Variants in ADAMTS1 observed in about 807,000 individuals in gnomAD.
ADAMTS1 encodes the protein ADAM metallopeptidase with thrombospondin type 1 motif 1.
In ADAMTS1, 19 loss-of-function variants were observed where a neutral mutation model predicts 87.9. The ratio of observed to expected loss-of-function variants is 0.22; its 90% CI spans 0.15 to 0.32. The LOEUF is 0.32. Among genes scored for constraint, ADAMTS1 ranks in the 10% least tolerant of loss-of-function variants. ADAMTS1 has a pLI of 1.00. For missense variants in ADAMTS1, 1,240 were observed against 1,259.1 expected, an observed-to-expected ratio of 0.98 and a Z score of 0.23; for synonymous variants, 542 against 501.8, an observed-to-expected ratio of 1.08 and a Z score of -1.07.
In ADAMTS1 at chr21:26,844,579, A is replaced by T; in HGVS notation, c.376T>A (p.Ser126Thr). 6.2e-7 allele frequency: 1 copy of T among 1,611,166 alleles called. No homozygotes were observed. The highest frequency in any genetic ancestry group is 1.1e-5 in the South Asian group (1 of 90,528). ...CTGGGATCGCCATTCACGGTGCCGG[A>T]GTAGAAGCAGTGCGCCAGGTCGGTT... ...PETDLAHCFY[S>T]GTVNGDPSSA... The change falls in exon 1 of 9, where the codon TCC becomes ACC. Residue 126 changes from serine to threonine, a missense_variant. Physicochemically the swap from Ser to Thr is moderately conservative, Grantham distance 58. Around this residue, in one of 3 missense-constraint regions of ADAMTS1, gnomAD observed 521 missense variants for 449.7 expected, o/e 1.16. Transcript: ENST00000284984.
chr21:26,842,590 T>C lies in ADAMTS1; in HGVS notation c.826A>G (p.Ser276Gly). The C allele has an allele frequency of 3.1e-6, 5 of 1,614,176 alleles. No individual in the cohort carries two copies. The highest frequency in any genetic ancestry group is 4.2e-6 in the Non-Finnish European group (5 of 1,180,028). The change falls in exon 2 of 9, where the codon AGT becomes GGT. Residue 276 changes from serine (S) to glycine (G), a missense_variant. Physicochemically the swap from Ser to Gly is moderately conservative, Grantham distance 56 (BLOSUM62 0). This residue lies in a region of ADAMTS1 where 521 missense variants were observed against 449.7 expected (regional missense o/e 1.16). Coordinates refer to ENST00000284984, the MANE Select transcript of ADAMTS1 (RefSeq NM_006988.5). Reference protein sequence around the residue: ...ADQSMAEFHGSGLKHYLLTLF... With the variant: ...ADQSMAEFHGGGLKHYLLTLF... ...GTGAGAAGGTAATGCTTTAGACCACTGCCGTGGAATTCTGCCATCGACTGG... is the reference window on the plus strand; with the variant it reads ...GTGAGAAGGTAATGCTTTAGACCACCGCCGTGGAATTCTGCCATCGACTGG...
At chr21:26,838,315 A>G in intron 8 of ADAMTS1, 37 bp from the exon 9 acceptor site, 1 of 1,574,078 alleles carries the variant, frequency 6.4e-7, no homozygotes, top group Non-Finnish European at 8.6e-7. Flanking sequence ...TCTCTGATTC[A>G]TTGGCTAATT....
rs757660350 is a variant in ADAMTS1 at position 26,842,293 on chromosome 21, G to C, written c.1077+46C>G. 2.8e-5 allele frequency: 43 copies of C among 1,562,404 alleles called. 1 individual carries two copies. The South Asian group carries it at 4.9e-4, about 18-fold the overall frequency. On this transcript the variant is annotated intron_variant, in intron 2 of 8. Transcript: ENST00000284984. ...GTATATATCTTTTTGGTACAACGTA[G>C]ACTCCTAAGAGGACAGTCTCACAGC...
Position 26,844,526 on chromosome 21 carries a change from C to G in ADAMTS1, c.429G>C (p.Glu143Asp). The change falls in exon 1 of 9, where the codon GAG (glutamate) becomes GAC (aspartate). Residue 143 changes from glutamate (E) to aspartate (D), a missense_variant. This residue lies in a region of ADAMTS1 where 521 missense variants were observed against 449.7 expected (regional missense o/e 1.16). Coordinates refer to ENST00000284984, the MANE Select transcript of ADAMTS1 (RefSeq NM_006988.5). ...PSSAAALSLC[E>D]GVRGAFYLLG... ...GCAGGTAGAAGGCGCCGCGCACGCC[C>G]TCGCAGAGGCTGAGGGCGGCAGCCG... 1 of 1,602,686 alleles carries G rather than the reference C, an allele frequency of 6.2e-7. No homozygotes were observed. The highest frequency in any genetic ancestry group is 8.5e-7 in the Non-Finnish European group (1 of 1,175,172).
Position 26,841,944 on chromosome 21 carries a change from A to G in ADAMTS1, c.1124T>C (p.Val375Ala). ...QTCDTLGMAD[V>A]GTVCDPSRSC... ...TCTGCTCGGATCACACACAGTTCCA[A>G]CATCAGCCATCCCAAGAGTATCACA... Residue 375 changes from valine (V) to alanine (A), a missense_variant, in exon 3 of 9, where the codon GTT (valine) becomes GCT (alanine). Coordinates refer to ENST00000284984, the MANE Select transcript of ADAMTS1 (RefSeq NM_006988.5). 6.2e-7 allele frequency: 1 copy of G among 1,614,208 alleles called. No individual in the cohort carries two copies. Among genetic ancestry groups the G allele is most frequent in the Non-Finnish European group, 8.5e-7 (1 of 1,180,040 alleles).
At position 26,840,561 on chromosome 21, in the gene ADAMTS1, C is replaced by T. The variant is rs200386789; in HGVS notation, c.1380G>A (p.Gly460=). 1 of 1,612,914 alleles carries T rather than the reference C, an allele frequency of 6.2e-7. No individual in the cohort carries two copies. Among genetic ancestry groups the T allele is most frequent in the African/African-American group, 1.3e-5 (1 of 75,020 alleles). Residue 460 remains glycine (G), a splice_region_variant and synonymous_variant, in exon 5 of 9, where the codon GGG becomes GGA. Transcript: ENST00000284984. ...TCTGAGGCTTGTCCATCAAACATTC[C>T]CCTGCAAAGGAAATGCCAACCAATA... The part of the protein sequence containing the change: ...MITSFLDNGH[G]ECLMDKPQNP...
intron 1 of ADAMTS1, chr21:26,843,646 G>T: frequency 2.2e-6 from 1 of 463,986 alleles, no homozygotes; most frequent in Admixed American, 2.4e-5. Context: ...CTGCGAAGGG[G>T]CCCCACCGCC....
At chr21:26,838,376 C>T in intron 8 of ADAMTS1, 63 bp downstream of exon 8, 1 of 1,592,448 alleles carries the variant, frequency 6.3e-7, no homozygotes, top group South Asian at 1.1e-5. Flanking sequence ...ATATTTTTTT[C>T]CCAGACCTGT....
rs1450803977 is a variant in ADAMTS1 at position 26,838,109 on chromosome 21, T to C, written c.2374A>G (p.Ile792Val). 1.9e-6 allele frequency: 3 copies of C among 1,614,166 alleles called. No homozygotes were observed. The highest frequency in any genetic ancestry group is 4.5e-5 in the East Asian group (2 of 44,860). The change falls in exon 9 of 9, where the codon ATT (isoleucine) becomes GTT (valine). Residue 792 changes from isoleucine (I) to valine (V), a missense_variant. Ile to Val is a conservative substitution (Grantham distance 29). Coordinates refer to ENST00000284984, the MANE Select transcript of ADAMTS1 (RefSeq NM_006988.5). Reference protein sequence around the residue: ...DYTLSTLEQDIMYKGVVLRYS... With the variant: ...DYTLSTLEQDVMYKGVVLRYS... ...CTCAAGACAACACCTTTGTACATAA[T>C]GTCTTGCTCTAAGGTGGACAAAGTG...
Position 26,840,445 on chromosome 21 carries a change from C to A in ADAMTS1, c.1496G>T (p.Cys499Phe). The change falls in exon 5 of 9, where the codon TGC becomes TTC. Residue 499 changes from cysteine (C) to phenylalanine (F), a missense_variant. Cys to Phe is a radical substitution (Grantham distance 205). Coordinates refer to ENST00000284984, the MANE Select transcript of ADAMTS1 (RefSeq NM_006988.5). ...GCTACATGTGCTGGCTGCATCGGGG[C>A]AGTGTTTGGAGTCCTCCCCAAATGT... ...QFTFGEDSKH[C>F]PDAASTCSTL... The A allele has an allele frequency of 1.2e-6, 2 of 1,614,040 alleles. No homozygotes were observed. The highest frequency in any genetic ancestry group is 2.2e-5 in the East Asian group (1 of 44,872).
chr21:26,844,578 G>T lies in ADAMTS1; in HGVS notation c.377C>A (p.Ser126Tyr). The change falls in exon 1 of 9, where the codon TCC becomes TAC. Residue 126 changes from serine (S) to tyrosine (Y), a missense_variant. Around this residue, in one of 3 missense-constraint regions of ADAMTS1, gnomAD observed 521 missense variants for 449.7 expected, o/e 1.16. Transcript: ENST00000284984. ...GCTGGGATCGCCATTCACGGTGCCGGAGTAGAAGCAGTGCGCCAGGTCGGT... is the reference window on the plus strand; with the variant it reads ...GCTGGGATCGCCATTCACGGTGCCGTAGTAGAAGCAGTGCGCCAGGTCGGT... Reference protein sequence around the residue: ...PETDLAHCFYSGTVNGDPSSA... With the variant: ...PETDLAHCFYYGTVNGDPSSA... 6.2e-7 allele frequency: 1 copy of T among 1,611,206 alleles called. No homozygotes were observed.
At position 26,844,623 on chromosome 21, in the gene ADAMTS1, G is replaced by T. The variant is rs1985577021; in HGVS notation, c.332C>A (p.Ser111Tyr). 27 of 1,608,774 alleles carry T rather than the reference G, an allele frequency of 1.7e-5. No homozygotes were observed. The highest frequency in any genetic ancestry group is 2.2e-5 in the Non-Finnish European group (26 of 1,177,880). ...TLQNVGRKSG[S>Y]ETPLPETDLA... ...GTCGGTTTCCGGAAGCGGCGTCTCG[G>T]ACCCGGATTTGCGCCCCACGTTCTG... Residue 111 changes from serine to tyrosine, a missense_variant, in exon 1 of 9, where the codon TCC becomes TAC. Ser to Tyr is a moderately radical substitution (Grantham distance 144). Around this residue, in one of 3 missense-constraint regions of ADAMTS1, gnomAD observed 521 missense variants for 449.7 expected, o/e 1.16. Coordinates refer to ENST00000284984, the MANE Select transcript of ADAMTS1 (RefSeq NM_006988.5).
chr21:26,835,874 T>C lies in ADAMTS1; in HGVS notation c.*1705A>G, dbSNP rs535460827. 4 of 152,344 alleles carry C rather than the reference T, an allele frequency of 2.6e-5. No individual in the cohort carries two copies. The South Asian group carries it at 8.3e-4, about 32-fold the overall frequency. The allele number at this position is 152,344 out of a possible 1,614,324, so 9.4% of individuals were successfully genotyped here. On this transcript the variant is annotated 3_prime_UTR_variant, in exon 9 of 9. Coordinates refer to ENST00000284984, the MANE Select transcript of ADAMTS1 (RefSeq NM_006988.5). ...TTTTTTTAGAACACAGCCATGTCCA[T>C]TCACTTACTCATTCTTTATGGCTAG...
rs558232810 is a variant in ADAMTS1 at position 26,844,491 on chromosome 21, G to C, written c.464C>G (p.Ala155Gly). The C allele has an allele frequency of 9.6e-5, 153 of 1,591,772 alleles. 1 individual carries two copies. In the South Asian group the frequency reaches 1.4e-3, roughly 14 times the overall value. The change falls in exon 1 of 9, where the codon GCG (alanine) becomes GGG (glycine). Residue 155 changes from alanine (A) to glycine (G), a missense_variant. By Grantham distance (60) the Ala-to-Gly change is moderately conservative (BLOSUM62 0). Coordinates refer to ENST00000284984, the MANE Select transcript of ADAMTS1 (RefSeq NM_006988.5). The part of the protein sequence containing the change: ...VRGAFYLLGE[A>G]YFIQPLPAAS... ...GGCGGGCAGCGGCTGGATGAAATAC[G>C]CCTCCCCCAGCAGGTAGAAGGCGCC... is the stretch of plus-strand genomic sequence containing the variant.
At position 26,844,685 on chromosome 21, in the gene ADAMTS1, C is replaced by T; in HGVS notation, c.270G>A (p.Arg90=). 3 of 1,594,588 alleles carry T rather than the reference C, an allele frequency of 1.9e-6. No homozygotes were observed. Among genetic ancestry groups the T allele is most frequent in the Non-Finnish European group, 2.6e-6 (3 of 1,171,146 alleles). Reference sequence around the variant, plus strand: ...CGGGCGCCAAAAAGCTGCTGTCGGGCCGCAGCTCCAGATCCAGCTGCTGGT... The same window carrying T: ...CGGGCGCCAAAAAGCTGCTGTCGGGTCGCAGCTCCAGATCCAGCTGCTGGT... ...AFDQQLDLEL[R]PDSSFLAPGF... The change falls in exon 1 of 9, where the codon CGG becomes CGA. Residue 90 remains arginine, a synonymous_variant. Coordinates refer to ENST00000284984, the MANE Select transcript of ADAMTS1 (RefSeq NM_006988.5).
In ADAMTS1 at chr21:26,838,191, A is replaced by G. The variant is rs779002156; in HGVS notation, c.2292T>C (p.Asn764=). The change falls in exon 9 of 9, where the codon AAT becomes AAC. Residue 764 remains asparagine (N), a synonymous_variant. Coordinates refer to ENST00000284984, the MANE Select transcript of ADAMTS1 (RefSeq NM_006988.5). ...CAGCTTTGATGGCAAGAAAGCTGCC[A>G]TTGTTCCTGGATCCCCTCTGGTTCC... ...KQRNQRGSRN[N]GSFLAIKAAD... 9 of 1,614,158 alleles carry G rather than the reference A, an allele frequency of 5.6e-6. No individual in the cohort carries two copies. Among genetic ancestry groups the G allele is most frequent in the Admixed American group, 5.0e-5 (3 of 60,024 alleles).
intron 2 of ADAMTS1, 103 bp from the exon 3 acceptor site, chr21:26,842,093 C>T: frequency 7.6e-7 from 1 of 1,317,800 alleles, no homozygotes; most frequent in East Asian, 2.4e-5. Flanking sequence ...GGAGCATCTA[C>T]ATTCATTATT....
At chr21:26,842,777 C>T (rs1985523774) in intron 1 of ADAMTS1, 92 bp from the exon 2 acceptor site, 3 of 1,007,686 alleles carry the variant, frequency 3.0e-6, no homozygotes, top group South Asian at 3.3e-5. Flanking sequence ...CCAGTCAAAG[C>T]AAACAAAGCA....
chr21:26,844,344 T>C lies in ADAMTS1; in HGVS notation c.611A>G (p.Glu204Gly), dbSNP rs1480944984. The change falls in exon 1 of 9, where the codon GAG becomes GGG. Residue 204 changes from glutamate (E) to glycine (G), a missense_variant. Transcript: ENST00000284984. ...CTCCGCTTTCCCAGTCGGCCGGGGC[T>C]CGTCGTCCACGACCCCGCACGTGCC... ...VGGTCGVVDD[E>G]PRPTGKAETE... 7 of 1,604,838 alleles carry C rather than the reference T, an allele frequency of 4.4e-6. No homozygotes were observed. In the East Asian group the frequency reaches 1.6e-4, roughly 36 times the overall value.
Sources: allele counts gnomAD v4.1 joint callset, GRCh38; gene constraint gnomAD v4.1.1; regional missense constraint gnomAD v4.1.1; transcripts MANE v1.5; gene names NCBI Gene and HGNC (gene_info 2026-07-23, HGNC 2026-07-21).